Variants in HJURP observed in about 807,000 individuals in gnomAD.
The protein encoded by HJURP is Holliday junction recognition protein, also known as 14-3-3-associated AKT substrate.
A neutral mutation model predicts 72.0 loss-of-function variants in HJURP; 49 were observed. That is an observed-to-expected ratio of 0.68 (90% CI 0.54 to 0.86). The LOEUF (loss-of-function observed/expected upper bound fraction) is 0.86. HJURP is among the 40% of genes least tolerant of loss of function. HJURP has a pLI of 0.00. For missense variants in HJURP, 908 were observed against 936.3 expected, an observed-to-expected ratio of 0.97 and a Z score of 0.39; for synonymous variants, 357 against 347.1, an observed-to-expected ratio of 1.03 and a Z score of -0.32.
At chr2:233,851,287 A>AGAGACAAGGACCGG (rs1485006916) in intron 3 of HJURP, among the ~76,000 whole-genome samples, 1 of 152,246 alleles carries the variant, frequency 6.6e-6, no homozygotes, top group African/African-American at 2.4e-5. Flanking sequence ...AGTATTGGGA[A>AGAGACAAGGACCGG]GAGACAAGGA....
At chr2:233,844,937 T>G (rs1447833992) in intron 6 of HJURP, among the ~76,000 whole-genome samples, 1 of 152,028 alleles carries the variant, frequency 6.6e-6, no homozygotes, top group East Asian at 1.9e-4. Context: ...GGTTGGCAGG[T>G]GAGTGTGCCC....
chr2:233,846,028 C>A lies in HJURP; in HGVS notation c.403-208G>T. ...AAAAGAATGTAAAAAGACACACACA[C>A]ACAAAAAAACCATGTCTAGAGAAGT... On this transcript the variant is annotated intron_variant, in intron 5 of 8. Transcript: ENST00000411486. This position sits in a 1 kb window ranked among gnomAD's most constrained non-coding sequence, Gnocchi z 4.3. 4.0e-6 allele frequency: 2 copies of A among 497,620 alleles called. No homozygotes were observed. Among genetic ancestry groups the A allele is most frequent in the Middle Eastern group, 3.6e-4 (1 of 2,804 alleles). The allele number at this position is 497,620 out of a possible 1,614,324, so 30.8% of individuals were successfully genotyped here.
chr2:233,845,686 T>C (rs1705344823), intron 6 of HJURP, 42 bp downstream of exon 6: 1 of 1,265,992 alleles, frequency 7.9e-7, no homozygotes, highest in Non-Finnish European at 1.1e-6. Flanking sequence ...ATTTAGTTTA[T>C]GATCTAATTA....
intron 7 of HJURP, among the ~76,000 whole-genome samples, chr2:233,842,701 T>G (rs1438144511): frequency 6.6e-6 from 1 of 152,136 alleles, no homozygotes; most frequent in Non-Finnish European, 1.5e-5. Flanking sequence ...CCAAATACTC[T>G]GAGTGTCTGC....
chr2:233,845,158 T>C (rs547391929), intron 6 of HJURP, among the ~76,000 whole-genome samples: 1 of 148,204 alleles, frequency 6.7e-6, no homozygotes, highest in South Asian at 2.1e-4. Flanking sequence ...CCCAATAGAT[T>C]TTTTTTTTTT....
chr2:233,846,030 C>CAA lies in HJURP; in HGVS notation c.403-212_403-211dup, dbSNP rs796533020. 5.1e-5 allele frequency: 25 copies of CAA among 488,388 alleles called. No homozygotes were observed. The highest frequency in any genetic ancestry group is 1.9e-4 in the South Asian group (6 of 30,816). 30.3% of individuals were successfully genotyped at this position (488,388 alleles called of 1,614,324 possible). ...AAGAATGTAAAAAGACACACACACACAAAAAAACCATGTCTAGAGAAGTTT... is the reference window on the plus strand; with the variant it reads ...AAGAATGTAAAAAGACACACACACACAAAAAAAAACCATGTCTAGAGAAGTTT... On this transcript the variant is annotated intron_variant, in intron 5 of 8. Coordinates refer to ENST00000411486, the MANE Select transcript of HJURP (RefSeq NM_018410.5). The surrounding 1 kb of genome is among the most constrained non-coding windows in gnomAD (Gnocchi z 4.3).
In HJURP at chr2:233,840,849, A is replaced by G. The variant is rs974190455; in HGVS notation, c.1931T>C (p.Leu644Pro). The part of the protein sequence containing the change: ...QGFQKLPSSP[L>P]GCRKSLLGST... ...GCCCAGTAGACTTTTTCTGCACCCC[A>G]GGGGTGATGATGGCAACTTCTGGAA... Residue 644 changes from leucine to proline, a missense_variant, in exon 8 of 9, where the codon CTG becomes CCG. Leu to Pro is a moderately conservative substitution (Grantham distance 98). This residue lies in a region of HJURP where 598 missense variants were observed against 619.5 expected (regional missense o/e 0.97). Transcript: ENST00000411486. 1.9e-6 allele frequency: 3 copies of G among 1,614,084 alleles called. No individual in the cohort carries two copies. Among genetic ancestry groups the G allele is most frequent in the Admixed American group, 3.3e-5 (2 of 60,024 alleles).
At chr2:233,842,930 G>A (rs934671293) in intron 7 of HJURP, among the ~76,000 whole-genome samples, 1 of 152,154 alleles carries the variant, frequency 6.6e-6, no homozygotes, top group Non-Finnish European at 1.5e-5. Context: ...GCTCAAAAAC[G>A]CATGTCGTTG....
rs548581864 is a variant in HJURP at position 233,840,780 on chromosome 2, G to A, written c.2000C>T (p.Ala667Val). ...GTCCCTCGTGCCATCCCTCGTGATG[G>A]CACGAGCAACACATGTAGATGAAGG... ...EAPSSTCVAR[A>V]ITRDGTRDHQ... Residue 667 changes from alanine to valine, a missense_variant, in exon 8 of 9, where the codon GCC becomes GTC. By Grantham distance (64) the Ala-to-Val change is moderately conservative. Coordinates refer to ENST00000411486, the MANE Select transcript of HJURP (RefSeq NM_018410.5). The A allele has an allele frequency of 1.2e-6, 2 of 1,613,498 alleles. No individual in the cohort carries two copies. Among genetic ancestry groups the A allele is most frequent in the Non-Finnish European group, 1.7e-6 (2 of 1,179,836 alleles).
At chr2:233,852,442 T>C (rs143823826) in intron 3 of HJURP, 123 bp downstream of exon 3, 3 of 670,124 alleles carry the variant, frequency 4.5e-6, no homozygotes, top group Non-Finnish European at 8.1e-6. Flanking sequence ...AGTATAATCA[T>C]GAGAAAAAGT....
intron 8 of HJURP, among the ~76,000 whole-genome samples, chr2:233,839,686 C>T (rs527524186): frequency 5.9e-5 from 9 of 152,248 alleles, no homozygotes; most frequent in Non-Finnish European, 8.8e-5. Flanking sequence ...GCAGGCCAGG[C>T]GGGTCCAGGT....
In HJURP at chr2:233,841,534, T is replaced by G. The variant is rs1326484690; in HGVS notation, c.1246A>C (p.Ile416Leu). The G allele has an allele frequency of 7.4e-6, 12 of 1,614,014 alleles. No individual in the cohort carries two copies. Among genetic ancestry groups the G allele is most frequent in the Non-Finnish European group, 1.0e-5 (12 of 1,179,868 alleles). The change falls in exon 8 of 9, where the codon ATA (isoleucine) becomes CTA (leucine). Residue 416 changes from isoleucine (I) to leucine (L), a missense_variant. Coordinates refer to ENST00000411486, the MANE Select transcript of HJURP (RefSeq NM_018410.5). ...TGTCGTATTGTTGGTCTGGAAACTA[T>G]TTTTACAGGAGAAATTAACCATTTT... is the stretch of plus-strand genomic sequence containing the variant. ...TLKWLISPVK[I>L]VSRPTIRQGH...
chr2:233,849,870 A>G lies in HJURP; in HGVS notation c.241-11T>C. On this transcript the variant is annotated splice_polypyrimidine_tract_variant and intron_variant, in intron 3 of 8. Transcript: ENST00000411486. Reference sequence around the variant, plus strand: ...CTTCATGGAGGAGTCCTCCAAGTGCAGAAGCCAATAAAAACATGGTTGTTT... The same window carrying G: ...CTTCATGGAGGAGTCCTCCAAGTGCGGAAGCCAATAAAAACATGGTTGTTT... 6.6e-7 allele frequency: 1 copy of G among 1,504,012 alleles called. No individual in the cohort carries two copies. The highest frequency in any genetic ancestry group is 9.1e-7 in the Non-Finnish European group (1 of 1,104,896). 93.2% of individuals were successfully genotyped at this position (1,504,012 alleles called of 1,614,324 possible).
At chr2:233,842,989 A>G (rs1705269476) in intron 7 of HJURP, among the ~76,000 whole-genome samples, 1 of 152,246 alleles carries the variant, frequency 6.6e-6, no homozygotes, top group African/African-American at 2.4e-5. Flanking sequence ...TGACAGCTAA[A>G]TCTGGGGTTA....
intron 6 of HJURP, among the ~76,000 whole-genome samples, chr2:233,845,065 G>A (rs963903966): frequency 2.6e-5 from 4 of 152,076 alleles, no homozygotes; most frequent in Non-Finnish European, 5.9e-5. Flanking sequence ...ACCAGGGAAT[G>A]TGGGGACTAT....
At position 233,841,702 on chromosome 2, in the gene HJURP, G is replaced by A. The variant is rs536819756; in HGVS notation, c.1078C>T (p.Leu360Phe). The change falls in exon 8 of 9, where the codon CTT becomes TTT. Residue 360 changes from leucine to phenylalanine, a missense_variant. This residue lies in a region of HJURP where 598 missense variants were observed against 619.5 expected (regional missense o/e 0.97). Coordinates refer to ENST00000411486, the MANE Select transcript of HJURP (RefSeq NM_018410.5). ...KTGLKLEKAF[L>F]EVNRPQIHKL... ...TGGATTTGGGGTCTGTTGACTTCAAGAAAAGCTTTTTCCAATTTTAAACCT... is the reference window on the plus strand; with the variant it reads ...TGGATTTGGGGTCTGTTGACTTCAAAAAAAGCTTTTTCCAATTTTAAACCT... The A allele has an allele frequency of 6.2e-7, 1 of 1,614,166 alleles. No individual in the cohort carries two copies. Among genetic ancestry groups the A allele is most frequent in the Non-Finnish European group, 8.5e-7 (1 of 1,180,026 alleles).
Position 233,841,914 on chromosome 2 carries a change from A to G in HJURP, c.866T>C (p.Ile289Thr). 10 of 1,614,180 alleles carry G rather than the reference A, an allele frequency of 6.2e-6. No individual in the cohort carries two copies. Among genetic ancestry groups the G allele is most frequent in the Non-Finnish European group, 8.5e-6 (10 of 1,180,026 alleles). Reference sequence around the variant, plus strand: ...CCTCCTGGAGTTCCAGTTTTGCATGATGAACGTTTTGGTGGAGATGATGCT... The same window carrying G: ...CCTCCTGGAGTTCCAGTTTTGCATGGTGAACGTTTTGGTGGAGATGATGCT... Reference protein sequence around the residue: ...PSSIISTKTFIMQNWNSRRRH... With the variant: ...PSSIISTKTFTMQNWNSRRRH... Residue 289 changes from isoleucine to threonine, a missense_variant, in exon 8 of 9, where the codon ATC (isoleucine) becomes ACC (threonine). By Grantham distance (89) the Ile-to-Thr change is moderately conservative. Transcript: ENST00000411486.
At chr2:233,842,774 T>C (rs1198178868) in intron 7 of HJURP, among the ~76,000 whole-genome samples, 1 of 152,198 alleles carries the variant, frequency 6.6e-6, no homozygotes, top group African/African-American at 2.4e-5. Flanking sequence ...GCTTATTTAG[T>C]AGATGGTTGT....
intron 6 of HJURP, 78 bp from the exon 7 acceptor site, chr2:233,844,361 C>T (rs1241025572): frequency 8.4e-6 from 9 of 1,072,060 alleles, no homozygotes; most frequent in South Asian, 1.3e-5. Flanking sequence ...TCTCCCCTGA[C>T]GATGCGGACT....
Sources: gnomAD v4.1 joint callset for allele counts (sites outside exome capture counted in the v4.1 genomes callset) on GRCh38, gnomAD v4.1.1 for gene constraint, gnomAD v4.1.1 regional missense constraint, Gnocchi (gnomAD v3.1) non-coding constraint, MANE v1.5 for transcripts, NCBI Gene and HGNC (gene_info 2026-07-23, HGNC 2026-07-21) for gene names.